The following TFPT variants were observed in gnomAD, a reference collection of about 807,000 sequenced individuals.
TFPT encodes TCF3 fusion partner.
A neutral mutation model predicts 28.8 loss-of-function variants in TFPT; 27 were observed. The observed-to-expected ratio is 0.94, with a 90% CI of 0.69 to 1.29. The LOEUF (loss-of-function observed/expected upper bound fraction) is 1.29, where lower values mean the gene tolerates loss of function less well. Ranked by LOEUF, TFPT falls within the 50% of genes most tolerant of loss-of-function variation. The probability of loss-of-function intolerance (pLI) is 0.00; values close to 1 mark genes in which losing one functional copy is unlikely to be tolerated. For synonymous variants in TFPT, 152 were observed against 142.8 expected (o/e 1.06, Z -0.46); for missense variants, 330 against 338.0 (o/e 0.98, Z 0.19).
At chr19:54,108,726 T>G in intron 3 of TFPT, 1 of 912,884 alleles carries the variant, frequency 1.1e-6, no homozygotes, top group Non-Finnish European at 1.6e-6. Context: ...AACATTCATA[T>G]GTGAGTTATA....
chr19:54,108,757 A>C, intron 3 of TFPT: 1 of 745,636 alleles, frequency 1.3e-6, no homozygotes. Flanking sequence ...ATAACTGAAG[A>C]GAGGGGAGTA....
At position 54,114,696 on chromosome 19, in the gene TFPT, TGGTCCTGAGAGGCA is replaced by T. The variant is rs1425853060; in HGVS notation, c.24-10_27del. 1 of 1,612,716 alleles carries T rather than the reference TGGTCCTGAGAGGCA, an allele frequency of 6.2e-7. No individual in the cohort carries two copies. The highest frequency in any genetic ancestry group is 8.5e-7 in the Non-Finnish European group (1 of 1,179,808). The stretch of plus-strand genomic sequence containing the variant: ...AACTCCTCAAAGCCCACGGCTGCCA[TGGTCCTGAGAGGCA>T]GGGAAAGGCTCAGGGGCCCTGGATC... On this transcript the variant is annotated splice_acceptor_variant and splice_polypyrimidine_tract_variant and coding_sequence_variant and intron_variant, in exon 2 of 6. Transcript: ENST00000391759. LOFTEE classifies it high-confidence loss of function.
Position 54,107,917 on chromosome 19 carries a change from C to T in TFPT, c.642+109G>A, listed in dbSNP as rs1321728956. 15 of 1,230,992 alleles carry T rather than the reference C, an allele frequency of 1.2e-5. No individual in the cohort carries two copies. The African/African-American group carries it at 2.0e-4, about 16-fold the overall frequency. The allele number at this position is 1,230,992 out of a possible 1,614,324, so 76.3% of individuals were successfully genotyped here. ...AGAACCAAAACCCAAGAGCCCTGAA[C>T]CTAACTCAGCCCCAGCCCTGGCCCC... On this transcript the variant is annotated intron_variant, in intron 5 of 5. Coordinates refer to ENST00000391759, the MANE Select transcript of TFPT (RefSeq NM_013342.4).
At chr19:54,109,876 C>CACCCGG (rs1600296991) in intron 3 of TFPT, among the ~76,000 whole-genome samples, 175 bp downstream of exon 3, 130 of 151,340 alleles carry the variant, frequency 8.6e-4, no homozygotes, top group Non-Finnish European at 9.9e-4. Flanking sequence ...CAGCCCTCTC[C>CACCCGG]TCCAACACCG....
chr19:54,115,158 C>A, intron 1 of TFPT, 89 bp downstream of exon 1: 3 of 1,591,272 alleles, frequency 1.9e-6, no homozygotes, highest in Non-Finnish European at 2.6e-6. Flanking sequence ...CCCCATCAGA[C>A]CTCAGCGTAA....
rs369757230 is a variant in TFPT at position 54,107,078 on chromosome 19, G to A, written c.734C>T (p.Pro245Leu). The change falls in exon 6 of 6, where the codon CCG (proline) becomes CTG (leucine). Residue 245 changes from proline to leucine, a missense_variant. Pro to Leu is a moderately conservative substitution (Grantham distance 98). Transcript: ENST00000391759. ...GTCAGAGGCTGGGCTGGCCAGGGTC[G>A]GGTAGGGCAGCAGTTTGTCTGGACC... The part of the protein sequence containing the change: ...SRGPDKLLPY[P>L]TLASPASD The A allele has an allele frequency of 1.9e-5, 31 of 1,613,766 alleles. No homozygotes were observed. Among genetic ancestry groups the A allele is most frequent in the African/African-American group, 4.0e-5 (3 of 74,870 alleles).
chr19:54,108,808 C>T (rs748655203), intron 3 of TFPT: 1 of 539,564 alleles, frequency 1.9e-6, no homozygotes. Context: ...TATAAACACC[C>T]CCTTCTCTTT....
At chr19:54,110,810 G>A (rs1280532903) in intron 2 of TFPT, among the ~76,000 whole-genome samples, 2 of 152,110 alleles carry the variant, frequency 1.3e-5, no homozygotes, top group Non-Finnish European at 2.9e-5. Flanking sequence ...GAGGCAGGAC[G>A]CAGCCTCTCC....
intron 2 of TFPT, among the ~76,000 whole-genome samples, chr19:54,112,018 A>G (rs2073470762): frequency 6.6e-6 from 1 of 151,940 alleles, no homozygotes; most frequent in African/African-American, 2.4e-5. Flanking sequence ...GGCTTGGCAC[A>G]GTGGCTCATG....
At chr19:54,114,087 C>G (rs754485966) in intron 2 of TFPT, among the ~76,000 whole-genome samples, 1 of 152,098 alleles carries the variant, frequency 6.6e-6, no homozygotes, top group Non-Finnish European at 1.5e-5. Flanking sequence ...GGAGAAGGGT[C>G]CAGAGACACT....
At chr19:54,107,402 A>T in intron 5 of TFPT, 1 of 552,896 alleles carries the variant, frequency 1.8e-6, no homozygotes, top group Non-Finnish European at 3.2e-6. Context: ...GCACTTGCCA[A>T]CCAAGCCTAA....
chr19:54,108,681 G>A (rs747165848), intron 3 of TFPT: 24 of 1,256,784 alleles, frequency 1.9e-5, no homozygotes, highest in African/African-American at 1.4e-4. Flanking sequence ...GACACCAGAC[G>A]ATTTCTGTAC....
chr19:54,110,127 G>A lies in TFPT; in HGVS notation c.283-6C>T. ...TTCAGGACCCGCTCGTTCACCTATGGGGTGGGAAACGCCCATCAGCTGGAT... is the reference window on the plus strand; with the variant it reads ...TTCAGGACCCGCTCGTTCACCTATGAGGTGGGAAACGCCCATCAGCTGGAT... On this transcript the variant is annotated splice_polypyrimidine_tract_variant and splice_region_variant and intron_variant, in intron 2 of 5. Transcript: ENST00000391759. The A allele has an allele frequency of 6.2e-7, 1 of 1,614,042 alleles. No individual in the cohort carries two copies. The highest frequency in any genetic ancestry group is 8.5e-7 in the Non-Finnish European group (1 of 1,180,000).
intron 2 of TFPT, among the ~76,000 whole-genome samples, chr19:54,113,723 A>G (rs1334898926): frequency 6.6e-6 from 1 of 152,056 alleles, no homozygotes; most frequent in African/African-American, 2.4e-5. Flanking sequence ...ACGGAGTCTC[A>G]CTCTGTCACC....
At position 54,108,239 on chromosome 19, in the gene TFPT, C is replaced by G. The variant is rs767644731; in HGVS notation, c.429G>C (p.Glu143Asp). 1 of 1,588,806 alleles carries G rather than the reference C, an allele frequency of 6.3e-7. No homozygotes were observed. The highest frequency in any genetic ancestry group is 1.1e-5 in the South Asian group (1 of 88,680). The change falls in exon 5 of 6, where the codon GAG becomes GAC. Residue 143 changes from glutamate to aspartate, a missense_variant. Physicochemically the swap from Glu to Asp is conservative, Grantham distance 45. Transcript: ENST00000391759. ...TGGGGGCATCCGTGCCCTGGCTGCC[C>G]TCATCCTGGCAGGCAGGAGGGGGAG... The part of the protein sequence containing the change: ...ASQFTIVLED[E>D]GSQGTDAPTP...
At chr19:54,110,433 C>T (rs896206188) in intron 2 of TFPT, among the ~76,000 whole-genome samples, 1 of 152,072 alleles carries the variant, frequency 6.6e-6, no homozygotes, top group African/African-American at 2.4e-5. Flanking sequence ...CCCATTAAGT[C>T]GAAACACACC....
At position 54,107,080 on chromosome 19, in the gene TFPT, G is replaced by T. The variant is rs764606714; in HGVS notation, c.732C>A (p.Tyr244Ter). ...VSRGPDKLLP[Y>*]PTLASPASD ...CAGAGGCTGGGCTGGCCAGGGTCGG[G>T]TAGGGCAGCAGTTTGTCTGGACCCC... is the stretch of plus-strand genomic sequence containing the variant. Residue 244 changes from tyrosine (Y) to a stop codon, truncating the protein, a stop_gained, in exon 6 of 6, where the codon TAC (tyrosine) becomes TAA (stop). Coordinates refer to ENST00000391759, the MANE Select transcript of TFPT (RefSeq NM_013342.4). LOFTEE classifies it high-confidence loss of function. 8 of 1,613,826 alleles carry T rather than the reference G, an allele frequency of 5.0e-6. No homozygotes were observed. Among genetic ancestry groups the T allele is most frequent in the Non-Finnish European group, 6.8e-6 (8 of 1,180,002 alleles).
rs373650199 is a variant in TFPT, at chr19:54,110,137, C to T, written c.283-16G>A. The T allele has an allele frequency of 7.4e-6, 12 of 1,613,848 alleles. No homozygotes were observed. The highest frequency in any genetic ancestry group is 4.5e-5 in the East Asian group (2 of 44,886). ...GCTCGTTCACCTATGGGGTGGGAAA[C>T]GCCCATCAGCTGGATCCCACGGCTC... On this transcript the variant is annotated splice_polypyrimidine_tract_variant and intron_variant, in intron 2 of 5. Transcript: ENST00000391759.
intron 2 of TFPT, among the ~76,000 whole-genome samples, chr19:54,112,253 CAA>C (rs55825377): frequency 1.7e-3 from 251 of 143,508 alleles, no homozygotes; most frequent in Middle Eastern, 3.6e-3. Flanking sequence ...GACCCTGTCT[CAA>C]AAAAAAAAAA....
Sources: allele counts gnomAD v4.1 joint callset (sites outside exome capture counted in the v4.1 genomes callset), GRCh38; gene constraint gnomAD v4.1.1; transcripts MANE v1.5; gene names NCBI Gene and HGNC (gene_info 2026-07-23, HGNC 2026-07-21).